Variants in SYNPO observed in about 807,000 individuals in gnomAD.
SYNPO encodes the protein synaptopodin.
A neutral mutation model predicts 49.5 loss-of-function variants in SYNPO; 19 were observed. That is an observed-to-expected ratio of 0.38 (90% confidence interval 0.27 to 0.56). SYNPO has a LOEUF of 0.56. SYNPO is among the 20% of genes least tolerant of loss of function. The pLI, the probability that SYNPO is intolerant of heterozygous loss-of-function variation, is 0.68. For missense variants in SYNPO, 1,131 were observed against 1,248.3 expected (o/e 0.91, Z 1.42); for synonymous variants, 536 against 548.0 (o/e 0.98, Z 0.31).
At chr5:150,612,340 G>A (rs138531169) in intron 1 of SYNPO, among the ~76,000 whole-genome samples, 2 of 152,290 alleles carry the variant, frequency 1.3e-5, no homozygotes, top group African/African-American at 2.4e-5. Context: ...CACCCCACAT[G>A]TATTGTTTCA....
upstream of SYNPO, among the ~76,000 whole-genome samples, chr5:150,636,006 A>G (rs145492342): frequency 1.3e-5 from 2 of 152,246 alleles, no homozygotes; most frequent in Non-Finnish European, 2.9e-5. Flanking sequence ...TACAGTCCAT[A>G]TATCTCCAGT....
At chr5:150,630,313 G>C (rs1332782064) in intron 2 of SYNPO, among the ~76,000 whole-genome samples, 2 of 152,198 alleles carry the variant, frequency 1.3e-5, no homozygotes, top group Non-Finnish European at 2.9e-5. Flanking sequence ...TGAGGTCAGA[G>C]TGTTTAGGGA....
chr5:150,648,973 C>T lies in SYNPO; in HGVS notation c.698C>T (p.Pro233Leu). Residue 233 changes from proline (P) to leucine (L), a missense_variant, in exon 2 of 3, where the codon CCA becomes CTA. Physicochemically the swap from Pro to Leu is moderately conservative, Grantham distance 98. This residue lies in a region of SYNPO where 602 missense variants were observed against 720.7 expected (regional missense o/e 0.84). Transcript: ENST00000307662. This position sits in a 1 kb window ranked among gnomAD's most constrained non-coding sequence, Gnocchi z 5.0. The part of the protein sequence containing the change: ...SEVHFTLAKP[P>L]SVVNRTARPF... ...GTCCACTTCACACTGGCCAAGCCCC[C>T]ATCAGTGGTCAACAGGACGGCCAGG... 1 of 1,614,258 alleles carries T rather than the reference C, an allele frequency of 6.2e-7. No homozygotes were observed. The highest frequency in any genetic ancestry group is 8.5e-7 in the Non-Finnish European group (1 of 1,180,046).
intron 1 of SYNPO, among the ~76,000 whole-genome samples, chr5:150,615,657 C>T (rs1376288430): frequency 6.6e-6 from 1 of 152,232 alleles, no homozygotes; most frequent in African/African-American, 2.4e-5. Context: ...GTGCTGCTGG[C>T]CTTTGTGAGA....
At chr5:150,642,365 GGGT>G (rs1757939579) in intron 1 of SYNPO, among the ~76,000 whole-genome samples, 1 of 152,200 alleles carries the variant, frequency 6.6e-6, no homozygotes, top group African/African-American at 2.4e-5. Flanking sequence ...TGTCCAGGGT[GGGT>G]CTTTAAAGGG....
chr5:150,605,491 G>C (rs1389059200), intron 1 of SYNPO, among the ~76,000 whole-genome samples: 1 of 152,206 alleles, frequency 6.6e-6, no homozygotes, highest in East Asian at 1.9e-4. Flanking sequence ...GGGATGGAGG[G>C]GTGGGGGCAA....
chr5:150,606,077 A>T (rs1411309434), intron 1 of SYNPO, among the ~76,000 whole-genome samples: 1 of 152,230 alleles, frequency 6.6e-6, no homozygotes, highest in Non-Finnish European at 1.5e-5. Flanking sequence ...ATGTGCACAC[A>T]TACACACACG....
upstream of SYNPO, among the ~76,000 whole-genome samples, chr5:150,637,310 C>G (rs1757749189): frequency 6.6e-6 from 1 of 152,196 alleles, no homozygotes; most frequent in African/African-American, 2.4e-5. Flanking sequence ...CAAAACCTTT[C>G]TTTTTGAGGC....
chr5:150,619,100 C>T (rs982290612), intron 2 of SYNPO, among the ~76,000 whole-genome samples: 1 of 151,970 alleles, frequency 6.6e-6, no homozygotes. Context: ...GGCAACAAAT[C>T]ACTGCGGTGT....
chr5:150,617,399 G>A (rs1344556517), intron 1 of SYNPO, among the ~76,000 whole-genome samples: 3 of 152,082 alleles, frequency 2.0e-5, no homozygotes, highest in Admixed American at 6.6e-5. Context: ...GGATTCAAGC[G>A]ATTCTCCTGC....
chr5:150,595,227 C>T, the SYNPO span, among the ~76,000 whole-genome samples: 6 of 152,234 alleles, frequency 3.9e-5, 1 homozygote, highest in African/African-American at 1.4e-4. Flanking sequence ...CATCTTAGAT[C>T]GTAGACATTT....
intron 1 of SYNPO, among the ~76,000 whole-genome samples, chr5:150,612,137 T>G (rs1056036234): frequency 6.6e-6 from 1 of 152,182 alleles, no homozygotes; most frequent in African/African-American, 2.4e-5. Flanking sequence ...AAAAGCTTTC[T>G]TCCTGTTGTC....
chr5:150,645,961 G>A (rs1758074435), intron 1 of SYNPO, among the ~76,000 whole-genome samples: 4 of 152,176 alleles, frequency 2.6e-5, no homozygotes, highest in Admixed American at 2.6e-4. Flanking sequence ...ATCCTGGGAG[G>A]AGATAGAAGA....
upstream of SYNPO, among the ~76,000 whole-genome samples, chr5:150,596,740 T>C (rs993205408): frequency 1.3e-5 from 2 of 152,134 alleles, no homozygotes; most frequent in African/African-American, 4.8e-5. Context: ...TGGTGAGCAG[T>C]GTCTCCTGCT....
At chr5:150,598,821 G>A (rs1248615004), upstream of SYNPO, among the ~76,000 whole-genome samples, 1 of 152,098 alleles carries the variant, frequency 6.6e-6, no homozygotes, top group Non-Finnish European at 1.5e-5. Context: ...GCCGCTGATG[G>A]TGGTGGGGAG....
At chr5:150,598,044 C>A (rs955484158), upstream of SYNPO, among the ~76,000 whole-genome samples, 3 of 152,074 alleles carry the variant, frequency 2.0e-5, no homozygotes, top group Non-Finnish European at 4.4e-5. Flanking sequence ...GGGTCAAAAC[C>A]CTCACACTCC....
exon 2 of SYNPO, chr5:150,618,272 G>A (rs1025741436): frequency 2.1e-6 from 3 of 1,403,164 alleles, no homozygotes; most frequent in Non-Finnish European, 1.9e-6. Flanking sequence ...GGCTGTGTAA[G>A]GAGCAGAGAC....
At chr5:150,594,048 C>T in the SYNPO span, among the ~76,000 whole-genome samples, 17 of 152,232 alleles carry the variant, frequency 1.1e-4, 1 homozygote, top group African/African-American at 4.1e-4. Context: ...AGGGGCTTAC[C>T]CTGCACGGCT....
At chr5:150,597,155 C>T (rs1012177680), upstream of SYNPO, among the ~76,000 whole-genome samples, 7 of 152,066 alleles carry the variant, frequency 4.6e-5, no homozygotes, top group African/African-American at 7.3e-5. Context: ...CTCCATTTAA[C>T]GCCTCTTACT....
Sources: gnomAD v4.1 joint callset for allele counts (sites outside exome capture counted in the v4.1 genomes callset) on GRCh38, gnomAD v4.1.1 for gene constraint, gnomAD v4.1.1 regional missense constraint, Gnocchi (gnomAD v3.1) non-coding constraint, MANE v1.5 for transcripts, NCBI Gene and HGNC (gene_info 2026-07-23, HGNC 2026-07-21) for gene names.